Variants in TRAPPC9 observed in about 807,000 individuals in gnomAD.
TRAPPC9 encodes the protein IKK2 binding protein.
A neutral mutation model predicts 124.0 loss-of-function variants in TRAPPC9; 83 were observed. That is an observed-to-expected ratio of 0.67 (90% CI 0.56 to 0.80). The LOEUF (loss-of-function observed/expected upper bound fraction) is 0.80, where lower values mean the gene tolerates loss of function less well. TRAPPC9 is among the 30% of genes least tolerant of loss of function. The pLI is 0.00. For missense variants in TRAPPC9, 1,302 were observed against 1,508.3 expected, an observed-to-expected ratio of 0.86 and a Z score of 2.27; for synonymous variants, 638 against 617.5, an observed-to-expected ratio of 1.03 and a Z score of -0.49.
intron 19 of TRAPPC9, among the ~76,000 whole-genome samples, chr8:139,924,636 T>C (rs1175784323): frequency 6.6e-6 from 1 of 152,146 alleles, no homozygotes; most frequent in East Asian, 1.9e-4. Context: ...TCCAATACAG[T>C]CTGCTTTGTA....
intron 19 of TRAPPC9, among the ~76,000 whole-genome samples, chr8:139,972,576 C>T (rs1323435645): frequency 6.6e-6 from 1 of 152,124 alleles, no homozygotes; most frequent in African/African-American, 2.4e-5. Context: ...GGTTCAGACT[C>T]CCCAGACCAC....
intron 17 of TRAPPC9, among the ~76,000 whole-genome samples, chr8:140,217,252 T>G (rs907134824): frequency 1.3e-5 from 2 of 151,884 alleles, no homozygotes; most frequent in African/African-American, 4.8e-5. Context: ...ATGGATGGAG[T>G]GATACAGCGA....
At chr8:139,828,988 C>T (rs1013769826) in intron 21 of TRAPPC9, among the ~76,000 whole-genome samples, 3 of 152,206 alleles carry the variant, frequency 2.0e-5, no homozygotes, top group Admixed American at 1.3e-4. Context: ...TTCTTCTTTC[C>T]TTCCATATAT....
intron 17 of TRAPPC9, among the ~76,000 whole-genome samples, chr8:140,054,484 C>T (rs964447113): frequency 3.3e-5 from 5 of 152,086 alleles, no homozygotes; most frequent in Middle Eastern, 3.2e-3. Context: ...AATCCACAAC[C>T]TATCTCTACA....
chr8:139,786,352 C>T (rs1005806629), intron 21 of TRAPPC9, among the ~76,000 whole-genome samples: 5 of 152,100 alleles, frequency 3.3e-5, no homozygotes, highest in Admixed American at 6.5e-5. Flanking sequence ...AAAACCACAG[C>T]GAGACGCGAA....
At chr8:140,435,630 G>T (rs980829271) in intron 3 of TRAPPC9, among the ~76,000 whole-genome samples, 10 of 152,234 alleles carry the variant, frequency 6.6e-5, no homozygotes, top group Non-Finnish European at 1.5e-4. Context: ...CTACAGAGAT[G>T]TATAACAGAA....
At chr8:139,856,654 T>C (rs1827816886) in intron 21 of TRAPPC9, among the ~76,000 whole-genome samples, 1 of 151,752 alleles carries the variant, frequency 6.6e-6, no homozygotes. Flanking sequence ...TTAGCTGCAC[T>C]GTGAGCACTA....
At chr8:140,195,910 AAC>A (rs2062649015) in intron 17 of TRAPPC9, among the ~76,000 whole-genome samples, 2 of 75,202 alleles carry the variant, frequency 2.7e-5, no homozygotes. Context: ...GTGACACTAA[AAC>A]ACACTCAACG....
At chr8:140,174,114 A>ATT (rs80214661) in intron 17 of TRAPPC9, among the ~76,000 whole-genome samples, 1 of 151,720 alleles carries the variant, frequency 6.6e-6, no homozygotes, top group African/African-American at 2.4e-5. Flanking sequence ...AGCTTTGAGG[A>ATT]TTTTTTTTTA....
intron 9 of TRAPPC9, among the ~76,000 whole-genome samples, chr8:140,346,069 A>C (rs549972649): frequency 6.6e-6 from 1 of 152,340 alleles, no homozygotes; most frequent in Admixed American, 6.5e-5. Context: ...AACACATCCT[A>C]GTGTTCAAAG....
intron 17 of TRAPPC9, among the ~76,000 whole-genome samples, chr8:140,142,127 G>A (rs1038664526): frequency 7.2e-5 from 11 of 152,350 alleles, no homozygotes; most frequent in African/African-American, 2.6e-4. Context: ...AGCAGCCTGA[G>A]CTGAATCTTT....
chr8:139,785,218 C>A (rs560089471), intron 21 of TRAPPC9, among the ~76,000 whole-genome samples: 2 of 152,154 alleles, frequency 1.3e-5, no homozygotes, highest in Non-Finnish European at 2.9e-5. Context: ...CAACTGAATA[C>A]ACACTCGCTA....
In TRAPPC9 at chr8:140,104,273, C is replaced by CGGA. The variant is rs2060627661; in HGVS notation, c.2557-80197_2557-80195dup. 6.6e-6 allele frequency among the ~76,000 whole-genome samples: 1 copy of CGGA among 152,070 alleles called. No individual in the cohort carries two copies. Among genetic ancestry groups the CGGA allele is most frequent in the South Asian group, 2.1e-4 (1 of 4,820 alleles). On this transcript the variant is annotated intron_variant, in intron 17 of 22. Transcript: ENST00000438773. This position sits in a 1 kb window ranked among gnomAD's most constrained non-coding sequence, Gnocchi z 4.0. ...TGAAAGACCTCTGCAACAGCCTGAA[C>CGGA]GGAACCAGGAGGGCTCCCCGCTCTG...
chr8:140,411,896 G>A (rs1471611851), intron 5 of TRAPPC9, among the ~76,000 whole-genome samples: 1 of 152,166 alleles, frequency 6.6e-6, no homozygotes, highest in Non-Finnish European at 1.5e-5. Context: ...ATAGTAAAAT[G>A]CGAATAAACA....
chr8:140,427,377 TCTCACA>T lies in TRAPPC9; in HGVS notation c.860-742_860-737del, dbSNP rs1564017041. Among the ~76,000 whole-genome samples the T allele has an allele frequency of 1.7e-4, 25 of 143,524 alleles. No individual in the cohort carries two copies. The South Asian group carries it at 2.1e-3, about 12-fold the overall frequency. 94.2% of individuals were successfully genotyped at this position (143,524 alleles called of 152,430 possible). ...ACATCTCTCTATATATATATCTCTC[TCTCACA>T]CACACACACACACACACACACATAC... On this transcript the variant is annotated intron_variant, in intron 4 of 22. Transcript: ENST00000438773.
chr8:139,893,979 C>T (rs552590186), intron 20 of TRAPPC9, among the ~76,000 whole-genome samples: 6 of 152,328 alleles, frequency 3.9e-5, no homozygotes, highest in South Asian at 2.1e-4. Flanking sequence ...CAGATAACTC[C>T]GACCAGTCCT....
Position 139,960,929 on chromosome 8 carries a change from C to T in TRAPPC9, c.2810+27797G>A, listed in dbSNP as rs990523204. The stretch of plus-strand genomic sequence containing the variant: ...GGTTGTTCGGTGGCTTAACCCCTAA[C>T]GTTTTAGGATTTCCCTTCAGGGTCC... On this transcript the variant is annotated intron_variant, in intron 19 of 22. Coordinates refer to ENST00000438773, the MANE Select transcript of TRAPPC9 (RefSeq NM_001160372.4). Among the ~76,000 whole-genome samples the T allele has an allele frequency of 4.8e-5, 6 of 125,358 alleles. 1 individual carries two copies. The highest frequency in any genetic ancestry group is 9.5e-5 in the Non-Finnish European group (5 of 52,470). 82.2% of individuals were successfully genotyped at this position (125,358 alleles called of 152,430 possible). A position where few individuals can be genotyped will look rare whatever the true frequency, so the allele number is the denominator to read the frequency against.
intron 8 of TRAPPC9, among the ~76,000 whole-genome samples, chr8:140,364,904 GT>G (rs1291201357): frequency 6.6e-6 from 1 of 151,618 alleles, no homozygotes; most frequent in Non-Finnish European, 1.5e-5. Flanking sequence ...AATCCTACAA[GT>G]TTTAGGGCTT....
At chr8:139,942,944 A>G (rs1326199869) in intron 19 of TRAPPC9, among the ~76,000 whole-genome samples, 1 of 152,228 alleles carries the variant, frequency 6.6e-6, no homozygotes, top group Non-Finnish European at 1.5e-5. Context: ...AATGTTGTAC[A>G]TAGAATCTGC....
Sources: allele counts gnomAD v4.1 joint callset (sites outside exome capture counted in the v4.1 genomes callset), GRCh38; gene constraint gnomAD v4.1.1; non-coding constraint Gnocchi (gnomAD v3.1); transcripts MANE v1.5; gene names NCBI Gene and HGNC (gene_info 2026-07-23, HGNC 2026-07-21).